SNX18: variants seen among roughly 807,000 people sequenced by gnomAD.
SNX18 encodes sorting nexin 18.
A neutral mutation model predicts 48.7 loss-of-function variants in SNX18; 35 were observed. That is an observed-to-expected ratio of 0.72 (90% CI 0.55 to 0.95). SNX18 has a LOEUF of 0.95. Ranked by LOEUF, SNX18 falls within the 40% of genes least tolerant of loss-of-function variation. The pLI, the probability that SNX18 is intolerant of heterozygous loss-of-function variation, is 0.00. For synonymous variants in SNX18, 492 were observed against 384.7 expected (o/e 1.28, Z -3.26); for missense variants, 824 against 871.0 (o/e 0.95, Z 0.68).
the SNX18 span, among the ~76,000 whole-genome samples, chr5:54,636,640 T>G: frequency 6.6e-6 from 1 of 152,192 alleles, no homozygotes; most frequent in Non-Finnish European, 1.5e-5. Context: ...TTCCTAGAGT[T>G]GCATCAAAAA....
chr5:54,619,527 A>AAACGT, the SNX18 span, among the ~76,000 whole-genome samples: 1 of 152,150 alleles, frequency 6.6e-6, no homozygotes, highest in African/African-American at 2.4e-5. Flanking sequence ...TCAGTCGTAC[A>AAACGT]AACGTAAAAA....
At chr5:54,537,550 C>G (rs1329570855) in intron 1 of SNX18, among the ~76,000 whole-genome samples, 1 of 151,988 alleles carries the variant, frequency 6.6e-6, no homozygotes, top group African/African-American at 2.4e-5. Context: ...ACTGTGGGAT[C>G]TTTTGTTTGT....
intron 1 of SNX18, chr5:54,519,971 G>T (rs1761986573): frequency 2.7e-6 from 2 of 734,758 alleles, no homozygotes; most frequent in African/African-American, 1.8e-5. Flanking sequence ...GTTTCAAAAA[G>T]TGAGGAAATA....
chr5:54,613,824 G>C, the SNX18 span, among the ~76,000 whole-genome samples: 1 of 152,170 alleles, frequency 6.6e-6, no homozygotes, highest in South Asian at 2.1e-4. Context: ...TCAGCCTCCC[G>C]AGTAGCTGGG....
the SNX18 span, among the ~76,000 whole-genome samples, chr5:54,628,569 C>T: frequency 6.6e-6 from 1 of 152,196 alleles, no homozygotes. Context: ...CATCTGTCAT[C>T]TGACCTATTA....
intron 1 of SNX18, among the ~76,000 whole-genome samples, chr5:54,529,524 G>C (rs1762213209): frequency 6.6e-6 from 1 of 152,168 alleles, no homozygotes; most frequent in African/African-American, 2.4e-5. Context: ...AATGTTTGCT[G>C]ACCCTTGACT....
intron 1 of SNX18, among the ~76,000 whole-genome samples, chr5:54,542,579 G>C (rs115130457): frequency 9.2e-5 from 14 of 152,196 alleles, no homozygotes; most frequent in African/African-American, 3.1e-4. Context: ...TAATGGGCTA[G>C]GCCAGCCCTC....
At chr5:54,647,750 T>C in the SNX18 span, among the ~76,000 whole-genome samples, 1 of 152,138 alleles carries the variant, frequency 6.6e-6, no homozygotes, top group African/African-American at 2.4e-5. Flanking sequence ...AGGGGAAGGC[T>C]AAGTAGCAGA....
chr5:54,645,769 T>C, the SNX18 span: 1 of 152,244 alleles, frequency 6.6e-6, no homozygotes, highest in Non-Finnish European at 1.5e-5. Context: ...CAAACCCATA[T>C]GAGTGTTTAG....
chr5:54,519,804 C>A (rs1332501037), intron 1 of SNX18: 1 of 1,612,242 alleles, frequency 6.2e-7, no homozygotes, highest in Non-Finnish European at 8.5e-7. Flanking sequence ...CTCGAAGGTT[C>A]AAAGAGTACC....
the SNX18 span, among the ~76,000 whole-genome samples, chr5:54,564,847 C>T: frequency 6.6e-6 from 1 of 152,164 alleles, no homozygotes; most frequent in African/African-American, 2.4e-5. Flanking sequence ...AACAGAGAGA[C>T]TCCGTCTCAA....
the SNX18 span, among the ~76,000 whole-genome samples, chr5:54,629,364 T>C: frequency 6.6e-6 from 1 of 152,210 alleles, no homozygotes; most frequent in African/African-American, 2.4e-5. Context: ...GCAAAACTTT[T>C]CATCATCATT....
At chr5:54,646,907 A>G in the SNX18 span, among the ~76,000 whole-genome samples, 1 of 152,172 alleles carries the variant, frequency 6.6e-6, no homozygotes, top group Non-Finnish European at 1.5e-5. Context: ...GAGCCCTCCC[A>G]GCTGTGCTGC....
Position 54,518,585 on chromosome 5 carries a change from C to G in SNX18, c.633C>G (p.Pro211=), listed in dbSNP as rs531066338. Residue 211 remains proline, a synonymous_variant, in exon 1 of 2, where the codon CCC becomes CCG. Coordinates refer to ENST00000381410, the MANE Select transcript of SNX18 (RefSeq NM_001102575.2). The stretch of plus-strand genomic sequence containing the variant: ...TGGGTTCCCGCGGCGGCTCGGTCCC[C>G]CCGCAGCACCACCCGTCGGGGCCCA... ...LSLGSRGGSV[P]PQHHPSGPKS... 2 of 1,580,820 alleles carry G rather than the reference C, an allele frequency of 1.3e-6. No individual in the cohort carries two copies. The highest frequency in any genetic ancestry group is 1.7e-6 in the Non-Finnish European group (2 of 1,164,196).
the SNX18 span, among the ~76,000 whole-genome samples, chr5:54,643,207 T>C: frequency 1.3e-5 from 2 of 152,206 alleles, no homozygotes; most frequent in East Asian, 1.9e-4. Flanking sequence ...GGACTTCTTT[T>C]TTTAATACTT....
chr5:54,531,942 T>C (rs890558848), intron 1 of SNX18, among the ~76,000 whole-genome samples: 2 of 152,180 alleles, frequency 1.3e-5, no homozygotes, highest in African/African-American at 4.8e-5. Flanking sequence ...AAACGAGAAA[T>C]GCATTATTTG....
At chr5:54,537,574 T>C (rs1379679965) in intron 1 of SNX18, among the ~76,000 whole-genome samples, 3 of 152,168 alleles carry the variant, frequency 2.0e-5, no homozygotes, top group Non-Finnish European at 4.4e-5. Flanking sequence ...AACAGTGATG[T>C]TTTTGACCTT....
the SNX18 span, among the ~76,000 whole-genome samples, chr5:54,554,137 T>C: frequency 6.6e-6 from 1 of 152,236 alleles, no homozygotes; most frequent in Non-Finnish European, 1.5e-5. Context: ...TGCTTCCATT[T>C]GTTCATCTAT....
At chr5:54,539,106 C>T (rs1762412311) in intron 1 of SNX18, among the ~76,000 whole-genome samples, 1 of 152,102 alleles carries the variant, frequency 6.6e-6, no homozygotes, top group South Asian at 2.1e-4. Flanking sequence ...GATCATAGCT[C>T]ATTGCAGCCT....
Sources: gnomAD v4.1 joint callset for allele counts (sites outside exome capture counted in the v4.1 genomes callset) on GRCh38, gnomAD v4.1.1 for gene constraint, MANE v1.5 for transcripts, NCBI Gene and HGNC (gene_info 2026-07-23, HGNC 2026-07-21) for gene names.